Variants in PTPRT observed in about 807,000 individuals in gnomAD.
PTPRT encodes receptor-type tyrosine-protein phosphatase T.
Under a neutral mutation model 176.8 loss-of-function variants are expected in PTPRT, and 56 were observed. The ratio of observed to expected loss-of-function variants is 0.32; its 90% CI spans 0.26 to 0.40. The LOEUF is 0.40. PTPRT is among the 10% of genes least tolerant of loss of function. The pLI is 1.00. For synonymous variants in PTPRT, 783 were observed against 739.0 expected, an observed-to-expected ratio of 1.06 and a Z score of -0.96; for missense variants, 1,540 against 1,908.2, an observed-to-expected ratio of 0.81 and a Z score of 3.60.
chr20:42,091,929 G>A (rs1489873939), intron 27 of PTPRT, among the ~76,000 whole-genome samples: 1 of 152,190 alleles, frequency 6.6e-6, no homozygotes, highest in African/African-American at 2.4e-5. Context: ...CTGCATCAGA[G>A]TTTGTTTCAG....
At chr20:43,113,476 A>G (rs542860703) in intron 1 of PTPRT, among the ~76,000 whole-genome samples, 7 of 152,302 alleles carry the variant, frequency 4.6e-5, no homozygotes, top group Admixed American at 4.6e-4. Context: ...TTTTTATTAG[A>G]TCCTCTACTC....
At chr20:42,200,793 G>C (rs140441471) in intron 15 of PTPRT, among the ~76,000 whole-genome samples, 64 of 152,260 alleles carry the variant, frequency 4.2e-4, no homozygotes, top group African/African-American at 1.4e-3. Context: ...GATATCTTGA[G>C]AGTAAATTTC....
chr20:42,190,997 C>T (rs1250053538), intron 16 of PTPRT, among the ~76,000 whole-genome samples: 1 of 152,036 alleles, frequency 6.6e-6, no homozygotes, highest in Non-Finnish European at 1.5e-5. Context: ...CTTAATTTTC[C>T]CACCATACCA....
In PTPRT at chr20:42,363,450, A is replaced by G. The variant is rs576019141; in HGVS notation, c.1561-11165T>C. Among the ~76,000 whole-genome samples the G allele has an allele frequency of 1.3e-3, 199 of 150,626 alleles. 2 individuals carry two copies. The highest frequency in any genetic ancestry group is 4.7e-3 in the African/African-American group (192 of 40,994). On this transcript the variant is annotated intron_variant, in intron 9 of 30. Coordinates refer to ENST00000373187, the MANE Select transcript of PTPRT (RefSeq NM_007050.6). Reference sequence around the variant, plus strand: ...CTCAGCCTCCCGAGTAAGTGGGATTACAGGCATGCACCTCCACCCCTGGCT... The same window carrying G: ...CTCAGCCTCCCGAGTAAGTGGGATTGCAGGCATGCACCTCCACCCCTGGCT...
chr20:42,772,888 T>C (rs1327617385), intron 4 of PTPRT, among the ~76,000 whole-genome samples: 3 of 152,366 alleles, frequency 2.0e-5, no homozygotes, highest in Admixed American at 2.0e-4. Flanking sequence ...ATGACATTCC[T>C]ATAAAGCAGA....
rs773847105 is a variant in PTPRT, at chr20:42,488,304, T to C, written c.1154-15742A>G. 4.3e-4 allele frequency among the ~76,000 whole-genome samples: 66 copies of C among 152,180 alleles called. 1 individual carries two copies. Among genetic ancestry groups the C allele is most frequent in the Non-Finnish European group, 6.2e-4 (42 of 68,032 alleles). On this transcript the variant is annotated intron_variant, in intron 7 of 30. Transcript: ENST00000373187. Reference sequence around the variant, plus strand: ...CATATAGGCTGTGTGTAAACTTAATTTGACAAAGTACTGTCAGATTGCTTT... The same window carrying C: ...CATATAGGCTGTGTGTAAACTTAATCTGACAAAGTACTGTCAGATTGCTTT...
At chr20:42,042,499 C>A in the PTPRT span, among the ~76,000 whole-genome samples, 1 of 152,146 alleles carries the variant, frequency 6.6e-6, no homozygotes, top group Admixed American at 6.5e-5. Flanking sequence ...CTGGGAGCAG[C>A]TTTCCCTCTT....
chr20:42,985,038 T>C (rs1442852234), intron 1 of PTPRT, among the ~76,000 whole-genome samples: 1 of 152,098 alleles, frequency 6.6e-6, no homozygotes, highest in African/African-American at 2.4e-5. Flanking sequence ...ACATGAAGAT[T>C]GAGTGAATAT....
intron 7 of PTPRT, among the ~76,000 whole-genome samples, chr20:42,492,548 C>T (rs6030280): frequency 0.02 from 2,978 of 152,156 alleles, 103 homozygotes; most frequent in African/African-American, 0.068. Flanking sequence ...TTTAGACTTT[C>T]CTCTAAGTGT....
intron 21 of PTPRT, chr20:42,116,051 C>A: frequency 1.4e-6 from 1 of 724,852 alleles, no homozygotes; most frequent in Non-Finnish European, 2.6e-6. Flanking sequence ...TTCCGGGGGA[C>A]GCCGCACGGC....
chr20:42,434,601 C>T (rs568850713), intron 9 of PTPRT, among the ~76,000 whole-genome samples: 2 of 150,502 alleles, frequency 1.3e-5, no homozygotes, highest in South Asian at 2.1e-4. Context: ...ACTTCTGTTA[C>T]TCTACCTACG....
At chr20:42,813,190 A>C (rs1478439453) in intron 2 of PTPRT, among the ~76,000 whole-genome samples, 2 of 152,048 alleles carry the variant, frequency 1.3e-5, no homozygotes, top group African/African-American at 4.8e-5. Flanking sequence ...TTTTGTCCCT[A>C]TTAATCTCAT....
chr20:42,888,783 A>G (rs2079144869), intron 1 of PTPRT, among the ~76,000 whole-genome samples: 2 of 152,216 alleles, frequency 1.3e-5, no homozygotes, highest in Admixed American at 6.5e-5. Flanking sequence ...GGCTCTGGAC[A>G]TGGCACAGAA....
intron 1 of PTPRT, among the ~76,000 whole-genome samples, chr20:43,014,539 C>G (rs1032713091): frequency 1.3e-5 from 2 of 152,108 alleles, no homozygotes; most frequent in Non-Finnish European, 2.9e-5. Flanking sequence ...CATGACCAGA[C>G]GAGGAGAATT....
intron 7 of PTPRT, among the ~76,000 whole-genome samples, chr20:42,666,468 C>T (rs2075319067): frequency 6.6e-6 from 1 of 151,972 alleles, no homozygotes; most frequent in African/African-American, 2.4e-5. Context: ...ACAGAGAAAC[C>T]CTCCAATCAC....
intron 2 of PTPRT, among the ~76,000 whole-genome samples, chr20:42,861,488 A>G (rs1300001252): frequency 6.6e-6 from 1 of 152,038 alleles, no homozygotes; most frequent in Non-Finnish European, 1.5e-5. Context: ...TTCATTTAAG[A>G]AAAAAAATTC....
chr20:42,316,360 C>A (rs2057721754), intron 11 of PTPRT, among the ~76,000 whole-genome samples: 1 of 152,196 alleles, frequency 6.6e-6, no homozygotes, highest in African/African-American at 2.4e-5. Context: ...TCTCACTCCT[C>A]ATCCTAATCA....
chr20:42,177,254 C>A (rs1464500847), intron 16 of PTPRT, among the ~76,000 whole-genome samples: 1 of 152,080 alleles, frequency 6.6e-6, no homozygotes, highest in East Asian at 1.9e-4. Context: ...ATGGACCACA[C>A]CTTGAGTAGT....
chr20:43,014,905 A>G (rs1241606139), intron 1 of PTPRT, among the ~76,000 whole-genome samples: 2 of 152,192 alleles, frequency 1.3e-5, no homozygotes, highest in Non-Finnish European at 2.9e-5. Context: ...CACACAAAGT[A>G]TGGGGCATAA....
Sources: allele counts gnomAD v4.1 joint callset (sites outside exome capture counted in the v4.1 genomes callset), GRCh38; gene constraint gnomAD v4.1.1; transcripts MANE v1.5; gene names NCBI Gene and HGNC (gene_info 2026-07-23, HGNC 2026-07-21).